CTNNA3: variants seen among roughly 807,000 people sequenced by gnomAD.
CTNNA3 encodes catenin alpha-3.
In CTNNA3, 76 loss-of-function variants were observed where a neutral mutation model predicts 95.7. The ratio of observed to expected loss-of-function variants is 0.79; its 90% CI spans 0.66 to 0.96. CTNNA3 has a LOEUF of 0.96. Ranked by LOEUF, CTNNA3 falls within the 40% of genes least tolerant of loss-of-function variation. CTNNA3 has a pLI of 0.00. For synonymous variants in CTNNA3, 431 were observed against 374.4 expected (o/e 1.15, Z -1.74); for missense variants, 1,191 against 1,089.8 (o/e 1.09, Z -1.31).
chr10:66,957,580 C>A (rs1848892609), intron 7 of CTNNA3, among the ~76,000 whole-genome samples: 1 of 151,602 alleles, frequency 6.6e-6, no homozygotes, highest in African/African-American at 2.4e-5. Context: ...CTGGTGCTTA[C>A]CAGAGCTGTG....
At chr10:67,166,966 G>A (rs1861795085) in intron 7 of CTNNA3, among the ~76,000 whole-genome samples, 1 of 152,120 alleles carries the variant, frequency 6.6e-6, no homozygotes, top group South Asian at 2.1e-4. Flanking sequence ...AATTAGCCGG[G>A]TGTGGTGGCA....
chr10:67,425,077 G>A (rs375477012), intron 5 of CTNNA3, among the ~76,000 whole-genome samples: 5 of 152,128 alleles, frequency 3.3e-5, no homozygotes, highest in Admixed American at 1.3e-4. Context: ...ATGTTAAATT[G>A]AAATAAATTA....
chr10:66,510,741 C>A (rs1318096444), intron 11 of CTNNA3, among the ~76,000 whole-genome samples: 1 of 151,732 alleles, frequency 6.6e-6, no homozygotes, highest in African/African-American at 2.4e-5. Flanking sequence ...GGAATAAATT[C>A]TACTTGATTA....
rs1267644039 is a variant in CTNNA3, at chr10:66,653,180, C to G, written c.1282-31396G>C. On this transcript the variant is annotated intron_variant, in intron 9 of 17. Transcript: ENST00000433211. The stretch of plus-strand genomic sequence containing the variant: ...TGGAAAAGAGGAAGTCAAATTGCCC[C>G]TCTTTGCAGATCACATGATCTTATA... Among the ~76,000 whole-genome samples, 4 of 152,164 alleles carry G rather than the reference C, an allele frequency of 2.6e-5. No individual in the cohort carries two copies. In the East Asian group the frequency reaches 7.7e-4, roughly 29 times the overall value.
At chr10:66,064,241 T>C (rs541416512) in intron 15 of CTNNA3, among the ~76,000 whole-genome samples, 1 of 152,216 alleles carries the variant, frequency 6.6e-6, no homozygotes, top group South Asian at 2.1e-4. Context: ...GTGAACAGCA[T>C]GGGGGAAACT....
chr10:66,317,937 C>T (rs75559440), intron 12 of CTNNA3, among the ~76,000 whole-genome samples: 6 of 151,686 alleles, frequency 4.0e-5, no homozygotes, highest in South Asian at 2.1e-4. Context: ...TTTATAGAGT[C>T]GGATATTTAT....
At position 66,507,844 on chromosome 10, in the gene CTNNA3, T is replaced by G. The variant is rs368516307; in HGVS notation, c.1531+12773A>C. Among the ~76,000 whole-genome samples, 216 of 152,270 alleles carry G rather than the reference T, an allele frequency of 1.4e-3. 1 individual carries two copies. The highest frequency in any genetic ancestry group is 4.9e-3 in the African/African-American group (204 of 41,538). On this transcript the variant is annotated intron_variant, in intron 11 of 17. Transcript: ENST00000433211. ...CAGATATCTCTTTGCTATGCTGACT[T>G]CCTTTCCTTTGGATAAATACCCAGT...
chr10:67,049,596 C>T (rs999034478), intron 7 of CTNNA3, among the ~76,000 whole-genome samples: 36 of 151,782 alleles, frequency 2.4e-4, no homozygotes, highest in African/African-American at 8.4e-4. Context: ...TTAACTTGAA[C>T]AAAAAAGGGA....
At position 66,704,053 on chromosome 10, in the gene CTNNA3, A is replaced by G. The variant is rs117121661; in HGVS notation, c.1281+62211T>C. Among the ~76,000 whole-genome samples the G allele has an allele frequency of 1.7e-4, 26 of 152,130 alleles. No homozygotes were observed. In the East Asian group the frequency reaches 3.7e-3, roughly 22 times the overall value. Reference sequence around the variant, plus strand: ...ATTATAGATCTTTGCTTGTCTCCCGATTCGTATTCCATTAAGTGACAAGTG... The same window carrying G: ...ATTATAGATCTTTGCTTGTCTCCCGGTTCGTATTCCATTAAGTGACAAGTG... On this transcript the variant is annotated intron_variant, in intron 9 of 17. Coordinates refer to ENST00000433211, the MANE Select transcript of CTNNA3 (RefSeq NM_013266.4).
At chr10:67,131,063 A>C (rs1859976049) in intron 7 of CTNNA3, among the ~76,000 whole-genome samples, 2 of 152,078 alleles carry the variant, frequency 1.3e-5, no homozygotes, top group Admixed American at 6.6e-5. Context: ...TTATACTTGC[A>C]ATACCTCTGG....
chr10:67,428,798 G>C lies in CTNNA3; in HGVS notation c.579+93044C>G, dbSNP rs1846006357. 2.0e-5 allele frequency among the ~76,000 whole-genome samples: 3 copies of C among 151,976 alleles called. 1 individual carries two copies. In the South Asian group the frequency reaches 6.2e-4, roughly 32 times the overall value. On this transcript the variant is annotated intron_variant, in intron 5 of 17. Coordinates refer to ENST00000433211, the MANE Select transcript of CTNNA3 (RefSeq NM_013266.4). ...AAAAATGTGAAAAGGGGAGAGATGG[G>C]GCTAGCCTACCAGCCTACATATTTC...
At chr10:66,809,872 T>C (rs1452598997) in intron 7 of CTNNA3, among the ~76,000 whole-genome samples, 5 of 151,386 alleles carry the variant, frequency 3.3e-5, no homozygotes, top group African/African-American at 1.2e-4. Flanking sequence ...TGGCATGATC[T>C]CAGCTCACTG....
At chr10:66,396,797 T>A (rs888917165) in intron 11 of CTNNA3, among the ~76,000 whole-genome samples, 1 of 151,884 alleles carries the variant, frequency 6.6e-6, no homozygotes, top group African/African-American at 2.4e-5. Context: ...ACACATAAGT[T>A]TACAGATTCA....
At chr10:67,648,134 A>C (rs1839772880) in intron 1 of CTNNA3, among the ~76,000 whole-genome samples, 1 of 152,186 alleles carries the variant, frequency 6.6e-6, no homozygotes, top group Non-Finnish European at 1.5e-5. Context: ...TATTTGGTCA[A>C]GACAAAATAA....
intron 3 of CTNNA3, among the ~76,000 whole-genome samples, chr10:67,557,860 C>G (rs905837840): frequency 2.6e-5 from 4 of 152,110 alleles, no homozygotes; most frequent in Admixed American, 6.6e-5. Flanking sequence ...TACTCAACAC[C>G]TATGATACTA....
intron 7 of CTNNA3, among the ~76,000 whole-genome samples, chr10:66,931,517 G>T (rs1045628203): frequency 1.3e-5 from 2 of 152,120 alleles, no homozygotes; most frequent in African/African-American, 2.4e-5. Context: ...AAGTAGACAG[G>T]CAGTAAATTG....
intron 7 of CTNNA3, among the ~76,000 whole-genome samples, chr10:66,989,017 T>C (rs1442812846): frequency 6.6e-6 from 1 of 152,100 alleles, no homozygotes; most frequent in Non-Finnish European, 1.5e-5. Flanking sequence ...AAAAATCCCT[T>C]TTCTACCTCT....
chr10:66,093,085 G>A (rs1321350203), intron 14 of CTNNA3, among the ~76,000 whole-genome samples: 1 of 151,780 alleles, frequency 6.6e-6, no homozygotes, highest in Non-Finnish European at 1.5e-5. Context: ...TAAGATATTT[G>A]GTAAAAATCT....
chr10:66,724,417 C>G (rs960459013), intron 9 of CTNNA3, among the ~76,000 whole-genome samples: 2 of 152,154 alleles, frequency 1.3e-5, no homozygotes, highest in African/African-American at 4.8e-5. Context: ...CGCCATTAAT[C>G]TGAACTAATA....
Sources: allele counts gnomAD v4.1 joint callset (sites outside exome capture counted in the v4.1 genomes callset), GRCh38; gene constraint gnomAD v4.1.1; transcripts MANE v1.5; gene names NCBI Gene and HGNC (gene_info 2026-07-23, HGNC 2026-07-21).